Variants in STK10 observed in about 807,000 individuals in gnomAD.
STK10 encodes serine/threonine-protein kinase 10.
STK10 carries 78 observed loss-of-function variants against 113.8 expected under a neutral mutation model. That is an observed-to-expected ratio of 0.69 (90% confidence interval 0.57 to 0.83). The LOEUF (loss-of-function observed/expected upper bound fraction) is 0.83. Ranked by LOEUF, STK10 falls within the 40% of genes least tolerant of loss-of-function variation. The probability of loss-of-function intolerance (pLI) is 0.00; values close to 1 mark genes in which losing one functional copy is unlikely to be tolerated. For synonymous variants in STK10, 465 were observed against 494.7 expected (o/e 0.94, Z 0.80); for missense variants, 1,109 against 1,280.1 (o/e 0.87, Z 2.04).
At chr5:172,180,645 C>A (rs1412638653) in intron 1 of STK10, among the ~76,000 whole-genome samples, 34 of 142,748 alleles carry the variant, frequency 2.4e-4, no homozygotes, top group South Asian at 9.0e-4. Context: ...ACAACAACAA[C>A]AAAAAAAAAA....
chr5:172,122,903 G>A (rs1041500573), intron 3 of STK10, among the ~76,000 whole-genome samples: 7 of 152,186 alleles, frequency 4.6e-5, no homozygotes, highest in East Asian at 1.9e-4. Context: ...GATTACAGGC[G>A]TGAGCCACCG....
intron 18 of STK10, among the ~76,000 whole-genome samples, chr5:172,045,816 A>C (rs1299503457): frequency 6.6e-6 from 1 of 151,972 alleles, no homozygotes; most frequent in Non-Finnish European, 1.5e-5. Flanking sequence ...CAGCCTCCCC[A>C]GTAGCTGGGA....
chr5:172,055,627 G>T lies in STK10; in HGVS notation c.2487C>A (p.Gly829=). The change falls in exon 16 of 19, where the codon GGC becomes GGA. Residue 829 remains glycine (G), a synonymous_variant. Transcript: ENST00000176763. ...CACGCTGCTCAGCTGCGCTGCCCCC[G>T]CCGTTGATGTGGAGGCTCTTCTTGT... The part of the protein sequence containing the change: ...AMYKKSLHIN[G]GGSAAEQREK... 6.4e-7 allele frequency: 1 copy of T among 1,557,366 alleles called. No individual in the cohort carries two copies. Among genetic ancestry groups the T allele is most frequent in the Non-Finnish European group, 8.7e-7 (1 of 1,147,486 alleles).
At chr5:172,064,473 G>A in intron 13 of STK10, 1 of 572,064 alleles carries the variant, frequency 1.7e-6, no homozygotes, top group Non-Finnish European at 3.1e-6. Context: ...AAGGGTTTGG[G>A]AGGTGGTCAA....
rs1350753678 is a variant in STK10, at chr5:172,042,227, C to G, written c.*2655G>C. On this transcript the variant is annotated 3_prime_UTR_variant, in exon 19 of 19. Coordinates refer to ENST00000176763, the MANE Select transcript of STK10 (RefSeq NM_005990.4). Reference sequence around the variant, plus strand: ...GGAAAATAAAAGTTAGTTACATTTACTCTAAAACCAGACAGAGGAAAAAAA... The same window carrying G: ...GGAAAATAAAAGTTAGTTACATTTAGTCTAAAACCAGACAGAGGAAAAAAA... 6.6e-6 allele frequency: 1 copy of G among 152,606 alleles called. No homozygotes were observed. Among genetic ancestry groups the G allele is most frequent in the Non-Finnish European group, 1.5e-5 (1 of 68,036 alleles). The allele number at this position is 152,606 out of a possible 1,614,324, so 9.5% of individuals were successfully genotyped here. A position where few individuals can be genotyped will look rare whatever the true frequency, so the allele number is the denominator to read the frequency against.
chr5:172,164,948 T>C (rs1055462303), intron 1 of STK10, among the ~76,000 whole-genome samples: 1 of 152,192 alleles, frequency 6.6e-6, no homozygotes, highest in Admixed American at 6.5e-5. Flanking sequence ...TGCGAGCAGA[T>C]ACACAGTGGC....
intron 13 of STK10, among the ~76,000 whole-genome samples, chr5:172,063,106 T>C (rs1034397726): frequency 1.3e-5 from 2 of 151,922 alleles, no homozygotes; most frequent in South Asian, 2.1e-4. Flanking sequence ...AAAAATTAGC[T>C]AGGCGTGATG....
chr5:172,082,997 C>A lies in STK10; in HGVS notation c.1773G>T (p.Leu591=). 6.2e-7 allele frequency: 1 copy of A among 1,613,974 alleles called. No individual in the cohort carries two copies. Among genetic ancestry groups the A allele is most frequent in the Non-Finnish European group, 8.5e-7 (1 of 1,180,022 alleles). Residue 591 remains leucine, a synonymous_variant, in exon 11 of 19, where the codon CTG becomes CTT. Transcript: ENST00000176763. This position sits in a 1 kb window ranked among gnomAD's most constrained non-coding sequence, Gnocchi z 4.3. The part of the protein sequence containing the change: ...TQLSNKHELQ[L]EQMHKRFEQE... ...GTTCAAAACGTTTATGCATTTGCTC[C>A]AGCTGCAGCTCATGCTTGTTACTCA...
chr5:172,173,017 C>T (rs1388624581), intron 1 of STK10, among the ~76,000 whole-genome samples: 3 of 152,018 alleles, frequency 2.0e-5, no homozygotes, highest in Non-Finnish European at 4.4e-5. Flanking sequence ...CGAGGAGACC[C>T]GCGTGGGGTG....
At chr5:172,081,947 T>C (rs1212304670) in intron 12 of STK10, among the ~76,000 whole-genome samples, 1 of 152,086 alleles carries the variant, frequency 6.6e-6, no homozygotes, top group Non-Finnish European at 1.5e-5. Context: ...AGAGGGCATG[T>C]TGTATGTGCC....
At chr5:172,125,135 T>G in intron 3 of STK10, among the ~76,000 whole-genome samples, 1 of 152,214 alleles carries the variant, frequency 6.6e-6, no homozygotes, top group Middle Eastern at 3.2e-3. Flanking sequence ...GGATGTCCTT[T>G]TGGTACATCC....
chr5:172,118,234 A>T (rs73327415), intron 3 of STK10, among the ~76,000 whole-genome samples: 1,819 of 152,308 alleles, frequency 0.012, 42 homozygotes, highest in African/African-American at 0.041. Flanking sequence ...TCTGAGATTC[A>T]AACCAGGGTC....
In STK10 at chr5:172,074,355, T is replaced by A. The variant is rs114177581; in HGVS notation, c.1989+7971A>T. On this transcript the variant is annotated intron_variant, in intron 12 of 18. Transcript: ENST00000176763. ...GGTGAAGGACAGACAAATAGATCGG[T>A]GAAACAGCAGAGAATCCAGAAATAC... is the stretch of plus-strand genomic sequence containing the variant. Among the ~76,000 whole-genome samples, 901 of 152,186 alleles carry A rather than the reference T, an allele frequency of 5.9e-3. 5 individuals are homozygous for A. Among genetic ancestry groups the A allele is most frequent in the African/African-American group, 0.02 (835 of 41,514 alleles).
intron 13 of STK10, 143 bp downstream of exon 13, chr5:172,064,577 G>T: frequency 5.2e-6 from 4 of 773,980 alleles, no homozygotes; most frequent in African/African-American, 1.7e-5. Context: ...GGATAATGGG[G>T]CCATGAAGGA....
At chr5:172,186,960 T>C (rs532716449) in intron 1 of STK10, among the ~76,000 whole-genome samples, 11 of 151,990 alleles carry the variant, frequency 7.2e-5, no homozygotes, top group Non-Finnish European at 1.3e-4. Context: ...AGGAGGAGGA[T>C]AGTGGCTTAG....
chr5:172,059,437 A>C (rs1346538493), intron 14 of STK10, among the ~76,000 whole-genome samples: 1 of 106,510 alleles, frequency 9.4e-6, no homozygotes, highest in South Asian at 3.0e-4. Flanking sequence ...TCCATCTCAA[A>C]AAAAAAAAAA....
chr5:172,175,705 G>C (rs1395546232), intron 1 of STK10, among the ~76,000 whole-genome samples: 4 of 152,168 alleles, frequency 2.6e-5, no homozygotes, highest in Non-Finnish European at 5.9e-5. Flanking sequence ...GCCAAGAGTA[G>C]ACACCGCACT....
In STK10 at chr5:172,188,026, A is replaced by C; in HGVS notation, c.17T>G (p.Phe6Cys). 4 of 1,612,778 alleles carry C rather than the reference A, an allele frequency of 2.5e-6. No individual in the cohort carries two copies. Among genetic ancestry groups the C allele is most frequent in the South Asian group, 2.2e-5 (2 of 91,058 alleles). The stretch of plus-strand genomic sequence containing the variant: ...GGTAGACAGGCGCAGGATGCGGCGG[A>C]AATTGGCAAAAGCCATGGCCGGGGG... MAFAN[F>C]RRILRLSTFE... The change falls in exon 1 of 19, where the codon TTC becomes TGC. Residue 6 changes from phenylalanine (F) to cysteine (C), a missense_variant. By Grantham distance (205) the Phe-to-Cys change is radical. Around this residue, in one of 5 missense-constraint regions of STK10, gnomAD observed 57 missense variants for 53.6 expected, o/e 1.06. Coordinates refer to ENST00000176763, the MANE Select transcript of STK10 (RefSeq NM_005990.4). The surrounding 1 kb of genome is among the most constrained non-coding windows in gnomAD (Gnocchi z 5.6).
chr5:172,128,386 G>A (rs1769674833), intron 2 of STK10, among the ~76,000 whole-genome samples: 1 of 144,702 alleles, frequency 6.9e-6, no homozygotes, highest in South Asian at 2.1e-4. Context: ...TTGTCACCCA[G>A]GCTAGCGTGC....
Sources: gnomAD v4.1 joint callset for allele counts (sites outside exome capture counted in the v4.1 genomes callset) on GRCh38, gnomAD v4.1.1 for gene constraint, gnomAD v4.1.1 regional missense constraint, Gnocchi (gnomAD v3.1) non-coding constraint, MANE v1.5 for transcripts, NCBI Gene and HGNC (gene_info 2026-07-23, HGNC 2026-07-21) for gene names.